The following GLIS3 variants were observed in gnomAD, a reference collection of about 807,000 sequenced individuals.
GLIS3 encodes GLIS family zinc finger 3, also known as zinc finger protein GLIS3.
A neutral mutation model predicts 78.6 loss-of-function variants in GLIS3; 53 were observed. The ratio of observed to expected loss-of-function variants is 0.67; its 90% CI spans 0.54 to 0.85. The LOEUF is 0.85. GLIS3 is among the 40% of genes least tolerant of loss of function. GLIS3 has a pLI of 0.00. For synonymous variants in GLIS3, 684 were observed against 509.9 expected, an observed-to-expected ratio of 1.34 and a Z score of -4.60; for missense variants, 1,703 against 1,231.1, an observed-to-expected ratio of 1.38 and a Z score of -5.74.
the GLIS3 span, among the ~76,000 whole-genome samples, chr9:4,381,498 G>C: frequency 2.0e-5 from 3 of 152,172 alleles, no homozygotes; most frequent in African/African-American, 4.8e-5. Context: ...GAAAAGATAA[G>C]AGTTGCATGG....
the GLIS3 span, among the ~76,000 whole-genome samples, chr9:4,433,167 C>A: frequency 6.6e-6 from 1 of 152,214 alleles, no homozygotes; most frequent in Non-Finnish European, 1.5e-5. Flanking sequence ...CGCTATGGCC[C>A]ACGCCTGTAA....
chr9:4,130,230 G>A (rs957406880), intron 2 of GLIS3, among the ~76,000 whole-genome samples: 1 of 152,202 alleles, frequency 6.6e-6, no homozygotes, highest in Non-Finnish European at 1.5e-5. Flanking sequence ...TAAAAGTTTG[G>A]AAAATTTACA....
intron 2 of GLIS3, among the ~76,000 whole-genome samples, chr9:4,197,347 C>T (rs1044925177): frequency 2.0e-5 from 3 of 152,182 alleles, no homozygotes; most frequent in South Asian, 2.1e-4. Flanking sequence ...ACTGCCCTAC[C>T]CTCCTTGTGT....
intron 4 of GLIS3, among the ~76,000 whole-genome samples, chr9:4,062,949 T>C (rs1826781269): frequency 6.6e-6 from 1 of 151,244 alleles, no homozygotes; most frequent in African/African-American, 2.4e-5. Context: ...AAAGAAAGAA[T>C]GTGAAGTACA....
the GLIS3 span, among the ~76,000 whole-genome samples, chr9:4,376,231 G>A: frequency 6.6e-6 from 1 of 152,154 alleles, no homozygotes. Flanking sequence ...AGGGGAAGAT[G>A]TTAGGAAGGA....
intron 2 of GLIS3, among the ~76,000 whole-genome samples, chr9:4,149,243 C>A (rs1223568365): frequency 3.3e-5 from 5 of 152,176 alleles, no homozygotes; most frequent in Non-Finnish European, 7.3e-5. Context: ...GCTCTATTCC[C>A]AGATTAACTC....
At chr9:3,890,698 T>A (rs932150238) in intron 7 of GLIS3, among the ~76,000 whole-genome samples, 3 of 152,058 alleles carry the variant, frequency 2.0e-5, no homozygotes, top group African/African-American at 7.2e-5. Context: ...TAGATTTAGC[T>A]CCACGTTCTT....
At chr9:4,414,290 G>C in the GLIS3 span, among the ~76,000 whole-genome samples, 1 of 152,202 alleles carries the variant, frequency 6.6e-6, no homozygotes, top group Non-Finnish European at 1.5e-5. Flanking sequence ...ATAAATGGAA[G>C]ACATGGCAAA....
chr9:3,908,617 C>T (rs1203275549), intron 6 of GLIS3, among the ~76,000 whole-genome samples: 2 of 151,596 alleles, frequency 1.3e-5, no homozygotes, highest in African/African-American at 4.8e-5. Flanking sequence ...AAGGTTACTG[C>T]ATGCCGAAAT....
At chr9:4,173,058 G>T (rs568495741) in intron 2 of GLIS3, among the ~76,000 whole-genome samples, 3 of 151,930 alleles carry the variant, frequency 2.0e-5, no homozygotes, top group Non-Finnish European at 2.9e-5. Flanking sequence ...CACAGCTGTG[G>T]GCCACATTCC....
the GLIS3 span, among the ~76,000 whole-genome samples, chr9:4,451,046 G>A: frequency 6.6e-6 from 1 of 152,116 alleles, no homozygotes; most frequent in Non-Finnish European, 1.5e-5. Context: ...TAAAAGGCAA[G>A]TACTGGCATA....
chr9:4,344,138 A>G (rs937567157), intron 2 of GLIS3, among the ~76,000 whole-genome samples: 4 of 152,176 alleles, frequency 2.6e-5, no homozygotes, highest in African/African-American at 9.7e-5. Context: ...CTCCTCTTCC[A>G]TCCCTTTCCA....
At chr9:3,960,306 T>G (rs903318674) in intron 4 of GLIS3, among the ~76,000 whole-genome samples, 1 of 152,218 alleles carries the variant, frequency 6.6e-6, no homozygotes, top group Non-Finnish European at 1.5e-5. Context: ...CCCACCCTGC[T>G]GACTTCCAAT....
chr9:4,267,871 T>A (rs112922908), intron 2 of GLIS3, among the ~76,000 whole-genome samples: 1 of 152,102 alleles, frequency 6.6e-6, no homozygotes, highest in African/African-American at 2.4e-5. Context: ...AGGTACATCA[T>A]TGCTAAAGAA....
rs202118987 is a variant in GLIS3, at chr9:3,824,894, CT to C, written c.*3377del. The stretch of plus-strand genomic sequence containing the variant: ...ACACTCACTATTTCTCCAATGAGTG[CT>C]TTTTTTTTTTTGCTTCATCTGTTGC... On this transcript the variant is annotated 3_prime_UTR_variant, in exon 11 of 11. Transcript: ENST00000381971. 0.16 allele frequency: 19,542 copies of C among 119,988 alleles called. 1,347 individuals carry two copies. The highest frequency in any genetic ancestry group is 0.19 in the East Asian group (803 of 4,208). The allele number at this position is 119,988 out of a possible 1,614,324, so 7.4% of individuals were successfully genotyped here.
intron 2 of GLIS3, among the ~76,000 whole-genome samples, chr9:4,194,554 C>A (rs1412039263): frequency 3.9e-5 from 6 of 152,188 alleles, no homozygotes; most frequent in Admixed American, 3.9e-4. Context: ...TTGGAAACAG[C>A]AAAAGAGTGC....
intron 4 of GLIS3, among the ~76,000 whole-genome samples, chr9:4,031,995 C>G (rs1031630316): frequency 6.6e-6 from 1 of 152,106 alleles, no homozygotes; most frequent in Non-Finnish European, 1.5e-5. Context: ...TTAAGTTGAG[C>G]AAAATCAAAG....
At chr9:3,994,171 G>A (rs573756043) in intron 4 of GLIS3, among the ~76,000 whole-genome samples, 33 of 152,240 alleles carry the variant, frequency 2.2e-4, no homozygotes, top group African/African-American at 7.2e-4. Flanking sequence ...TTTCTCTTCG[G>A]ATCATATAAA....
intron 9 of GLIS3, among the ~76,000 whole-genome samples, chr9:3,832,384 G>T (rs1444203590): frequency 6.6e-6 from 1 of 152,144 alleles, no homozygotes; most frequent in African/African-American, 2.4e-5. Flanking sequence ...CAAAGCAGCA[G>T]GTATGTGGCA....
Sources: allele counts gnomAD v4.1 joint callset (sites outside exome capture counted in the v4.1 genomes callset), GRCh38; gene constraint gnomAD v4.1.1; transcripts MANE v1.5; gene names NCBI Gene and HGNC (gene_info 2026-07-23, HGNC 2026-07-21).